The following KIAA1549L variants were observed in gnomAD, a reference collection of about 807,000 sequenced individuals.
KIAA1549L encodes KIAA1549 like.
A neutral mutation model predicts 160.7 loss-of-function variants in KIAA1549L; 88 were observed. The ratio of observed to expected loss-of-function variants is 0.55; its 90% CI spans 0.46 to 0.65. The LOEUF is 0.65. Among genes scored for constraint, KIAA1549L ranks in the 30% least tolerant of loss-of-function variants. KIAA1549L has a pLI of 0.00. For missense variants in KIAA1549L, 2,258 were observed against 2,437.5 expected, an observed-to-expected ratio of 0.93 and a Z score of 1.55; for synonymous variants, 950 against 976.7, an observed-to-expected ratio of 0.97 and a Z score of 0.51.
intron 11 of KIAA1549L, among the ~76,000 whole-genome samples, chr11:33,585,843 T>G (rs917398956): frequency 6.6e-6 from 1 of 152,228 alleles, no homozygotes; most frequent in African/African-American, 2.4e-5. Context: ...TATTGGGCTT[T>G]GTGAGATACC....
intron 1 of KIAA1549L, among the ~76,000 whole-genome samples, chr11:33,519,196 GAT>G (rs1853424448): frequency 6.6e-6 from 1 of 152,054 alleles, no homozygotes; most frequent in African/African-American, 2.4e-5. Flanking sequence ...CCCTGCAAGT[GAT>G]CTAGCCAACA....
intron 15 of KIAA1549L, among the ~76,000 whole-genome samples, chr11:33,613,867 C>T (rs1850711346): frequency 6.6e-6 from 1 of 152,096 alleles, no homozygotes; most frequent in Non-Finnish European, 1.5e-5. Context: ...AATCAGAACA[C>T]TTCATTTTTA....
chr11:33,559,678 A>G, intron 6 of KIAA1549L, 71 bp from the exon 7 acceptor site: 1 of 1,364,770 alleles, frequency 7.3e-7, no homozygotes, highest in Admixed American at 1.7e-5. Context: ...TCCCCCTCCC[A>G]TGGCCTCCAT....
Position 33,543,500 on chromosome 11 carries a change from G to C in KIAA1549L, c.1937G>C (p.Ser646Thr). 1 of 1,613,942 alleles carries C rather than the reference G, an allele frequency of 6.2e-7. No homozygotes were observed. Among genetic ancestry groups the C allele is most frequent in the South Asian group, 1.1e-5 (1 of 91,074 alleles). ...QTVFPSLGFS[S>T]TKPEAYAAAV... ...GTTTTCCCATCTCTTGGCTTTTCCAGCACCAAGCCAGAGGCTTATGCAGCT... is the reference window on the plus strand; with the variant it reads ...GTTTTCCCATCTCTTGGCTTTTCCACCACCAAGCCAGAGGCTTATGCAGCT... The change falls in exon 2 of 21, where the codon AGC (serine) becomes ACC (threonine). Residue 646 changes from serine (S) to threonine (T), a missense_variant. This residue lies in a region of KIAA1549L where 11 missense variants were observed against 29.9 expected (regional missense o/e 0.37). Coordinates refer to ENST00000658780, the MANE Select transcript of KIAA1549L (RefSeq NM_012194.3).
At chr11:33,591,931 G>T (rs1473362325) in intron 12 of KIAA1549L, among the ~76,000 whole-genome samples, 3 of 152,222 alleles carry the variant, frequency 2.0e-5, no homozygotes, top group Admixed American at 6.5e-5. Flanking sequence ...GAATACCGAG[G>T]ATGAGGTATT....
chr11:33,553,990 A>G (rs6484657), intron 6 of KIAA1549L, among the ~76,000 whole-genome samples: 106,542 of 152,074 alleles, frequency 0.7, 38,465 homozygotes, highest in African/African-American at 0.89. Context: ...ACATTTAAAC[A>G]GCTCTTGAAA....
intron 1 of KIAA1549L, among the ~76,000 whole-genome samples, chr11:33,424,929 G>T (rs1851087160): frequency 6.6e-6 from 1 of 152,188 alleles, no homozygotes; most frequent in Admixed American, 6.5e-5. Flanking sequence ...AGGGCATGAG[G>T]AAAGCTAAAC....
chr11:33,581,335 G>A (rs1051391546), intron 10 of KIAA1549L, among the ~76,000 whole-genome samples: 2 of 152,134 alleles, frequency 1.3e-5, no homozygotes, highest in African/African-American at 4.8e-5. Context: ...TTTGCTGTAC[G>A]TGAGAATAAT....
chr11:33,439,663 G>T (rs1440678597), intron 1 of KIAA1549L, among the ~76,000 whole-genome samples: 1 of 150,684 alleles, frequency 6.6e-6, no homozygotes, highest in Admixed American at 6.6e-5. Context: ...CGCCTGCCTT[G>T]GCCTCCCAAA....
chr11:33,484,783 G>A (rs141679536), intron 1 of KIAA1549L, among the ~76,000 whole-genome samples: 7 of 152,238 alleles, frequency 4.6e-5, no homozygotes, highest in Non-Finnish European at 8.8e-5. Context: ...TCCCACTCCA[G>A]AATTTATAAG....
intron 20 of KIAA1549L, chr11:33,665,637 G>A (rs1408576716): frequency 2.0e-5 from 3 of 152,342 alleles, no homozygotes; most frequent in Non-Finnish European, 4.4e-5. Flanking sequence ...CCCCACTCCA[G>A]CCTGAGGACT....
chr11:33,532,100 C>A (rs1853787088), intron 1 of KIAA1549L, among the ~76,000 whole-genome samples: 1 of 152,196 alleles, frequency 6.6e-6, no homozygotes, highest in Admixed American at 6.5e-5. Flanking sequence ...CACTAGGCTG[C>A]AGAATAACTC....
intron 1 of KIAA1549L, among the ~76,000 whole-genome samples, chr11:33,425,722 G>T (rs536909085): frequency 2.0e-5 from 3 of 152,156 alleles, no homozygotes; most frequent in Non-Finnish European, 4.4e-5. Flanking sequence ...TGCATCACAC[G>T]TCATATGGAT....
chr11:33,464,075 G>C (rs1267683755), intron 1 of KIAA1549L, among the ~76,000 whole-genome samples: 1 of 152,144 alleles, frequency 6.6e-6, no homozygotes, highest in East Asian at 1.9e-4. Flanking sequence ...ACTGTGAGCA[G>C]ATATTATTAT....
At chr11:33,519,702 A>AG (rs1303184225) in intron 1 of KIAA1549L, among the ~76,000 whole-genome samples, 1 of 152,180 alleles carries the variant, frequency 6.6e-6, no homozygotes, top group East Asian at 1.9e-4. Flanking sequence ...CTTTCTTTAG[A>AG]GGGGGGTACA....
At chr11:33,562,643 C>T (rs1484526631) in intron 8 of KIAA1549L, among the ~76,000 whole-genome samples, 1 of 151,378 alleles carries the variant, frequency 6.6e-6, no homozygotes, top group Non-Finnish European at 1.5e-5. Flanking sequence ...TGAATTAGGG[C>T]TCCCCAGTAT....
intron 1 of KIAA1549L, among the ~76,000 whole-genome samples, chr11:33,420,959 G>A (rs1001366616): frequency 3.9e-5 from 6 of 152,068 alleles, no homozygotes; most frequent in Non-Finnish European, 8.8e-5. Flanking sequence ...GGGTCCCTCC[G>A]GCCCTGAGGA....
At chr11:33,590,416 A>C (rs1850018705) in intron 11 of KIAA1549L, among the ~76,000 whole-genome samples, 1 of 152,198 alleles carries the variant, frequency 6.6e-6, no homozygotes, top group African/African-American at 2.4e-5. Flanking sequence ...GTGTAAAGCA[A>C]AATAGAGACA....
At chr11:33,500,905 T>G (rs907145611) in intron 1 of KIAA1549L, among the ~76,000 whole-genome samples, 1 of 152,156 alleles carries the variant, frequency 6.6e-6, no homozygotes, top group Non-Finnish European at 1.5e-5. Flanking sequence ...GCTCAGTAGA[T>G]AGAGGTTTTG....
Sources: allele counts gnomAD v4.1 joint callset (sites outside exome capture counted in the v4.1 genomes callset), GRCh38; gene constraint gnomAD v4.1.1; regional missense constraint gnomAD v4.1.1; transcripts MANE v1.5; gene names NCBI Gene and HGNC (gene_info 2026-07-23, HGNC 2026-07-21).